The following SNED1 variants were observed in gnomAD, a reference collection of about 807,000 sequenced individuals.
The protein encoded by SNED1 is sushi, nidogen and EGF like domains 1.
A neutral mutation model predicts 166.7 loss-of-function variants in SNED1; 81 were observed. That is an observed-to-expected ratio of 0.49 (90% confidence interval 0.41 to 0.58). The LOEUF (loss-of-function observed/expected upper bound fraction) is 0.58. Ranked by LOEUF, SNED1 falls within the 20% of genes least tolerant of loss-of-function variation. SNED1 has a pLI of 0.00. For synonymous variants in SNED1, 762 were observed against 822.0 expected, an observed-to-expected ratio of 0.93 and a Z score of 1.25; for missense variants, 1,604 against 2,000.2, an observed-to-expected ratio of 0.80 and a Z score of 3.78.
Position 241,068,089 on chromosome 2 carries a change from C to G in SNED1, c.3194+142C>G. The G allele has an allele frequency of 1.3e-6, 1 of 790,200 alleles. No individual in the cohort carries two copies. The highest frequency in any genetic ancestry group is 2.0e-6 in the Non-Finnish European group (1 of 505,794). 48.9% of individuals were successfully genotyped at this position (790,200 alleles called of 1,614,324 possible). On this transcript the variant is annotated intron_variant, in intron 22 of 31. Coordinates refer to ENST00000310397, the MANE Select transcript of SNED1 (RefSeq NM_001080437.3). This position sits in a 1 kb window ranked among gnomAD's most constrained non-coding sequence, Gnocchi z 5.3. ...CTCACCTGAGCGGAGACAAAGGTCT[C>G]AGGTGAGCCAGCCTCAGACCCTGGA...
At chr2:241,050,983 C>A (rs1303530801) in intron 12 of SNED1, among the ~76,000 whole-genome samples, 1 of 152,226 alleles carries the variant, frequency 6.6e-6, no homozygotes, top group African/African-American at 2.4e-5. Context: ...AATGTGGACA[C>A]CTCTGACCCC....
chr2:241,040,235 A>G (rs2061488579), intron 7 of SNED1, 47 bp downstream of exon 7: 2 of 1,570,662 alleles, frequency 1.3e-6, no homozygotes, highest in Middle Eastern at 3.3e-4. Context: ...GCCCGTGGCC[A>G]GGTGCTGGGC....
At position 241,091,526 on chromosome 2, in the gene SNED1, C is replaced by CCCCGTGTGCACTGCCA. The variant is rs1279561073; in HGVS notation, c.*2-112_*2-111insCCCGTGTGCACTGCCA. 6.7e-4 allele frequency: 102 copies of CCCCGTGTGCACTGCCA among 151,910 alleles called. No homozygotes were observed. The highest frequency in any genetic ancestry group is 1.6e-3 in the African/African-American group (68 of 41,362). 9.4% of individuals were successfully genotyped at this position (151,910 alleles called of 1,614,324 possible). On this transcript the variant is annotated intron_variant, in intron 31 of 31. Transcript: ENST00000310397. This position sits in a 1 kb window ranked among gnomAD's most constrained non-coding sequence, Gnocchi z 4.1. ...TGGTGCTCTAAGAACGTGGGGTCCT[C>CCCCGTGTGCACTGCCA]TGGGTGACAGAGGCCCTGAGGGCCA...
Position 241,018,626 on chromosome 2 carries a change from G to T in SNED1, c.214-11658G>T, listed in dbSNP as rs2060673852. ...CCAACTCACACCCAGACCTGTCACA[G>T]GGCGGTGCAGGCACAAGGCCAGCAG... On this transcript the variant is annotated intron_variant, in intron 1 of 31. Transcript: ENST00000310397. This position sits in a 1 kb window ranked among gnomAD's most constrained non-coding sequence, Gnocchi z 5.4. Among the ~76,000 whole-genome samples, 1 of 152,278 alleles carries T rather than the reference G, an allele frequency of 6.6e-6. No homozygotes were observed. Among genetic ancestry groups the T allele is most frequent in the East Asian group, 1.9e-4 (1 of 5,174 alleles).
chr2:241,062,839 A>G lies in SNED1; in HGVS notation c.2306A>G (p.Gln769Arg). 6.2e-7 allele frequency: 1 copy of G among 1,612,058 alleles called. No individual in the cohort carries two copies. The highest frequency in any genetic ancestry group is 8.5e-7 in the Non-Finnish European group (1 of 1,179,258). The change falls in exon 17 of 32, where the codon CAG (glutamine) becomes CGG (arginine). Residue 769 changes from glutamine to arginine, a missense_variant. Transcript: ENST00000310397. ...CCGTGCCTGCATGGGGGCTCTTGTC[A>G]GGACCGCGTTGCTGGGTACCTGTGC... is the stretch of plus-strand genomic sequence containing the variant. ...SQPCLHGGSC[Q>R]DRVAGYLCLC... is the part of the protein sequence containing the mutation.
chr2:241,002,284 G>C (rs1472258575), intron 1 of SNED1, among the ~76,000 whole-genome samples: 1 of 152,140 alleles, frequency 6.6e-6, no homozygotes, highest in Non-Finnish European at 1.5e-5. Flanking sequence ...ACCGAGGCCT[G>C]CGCATGAGTG....
chr2:241,029,076 A>T (rs1242273762), intron 1 of SNED1, among the ~76,000 whole-genome samples: 1 of 152,198 alleles, frequency 6.6e-6, no homozygotes, highest in East Asian at 1.9e-4. Flanking sequence ...CCAAAGGGGA[A>T]GTCCAGAGGG....
Position 240,999,758 on chromosome 2 carries a change from A to G in SNED1, c.213+708A>G, listed in dbSNP as rs912085727. ...AGGCCCGAGTGCCGGTTCTGTCTCC[A>G]TGGCTCCCAGAGTGTGACCCCAGGC... On this transcript the variant is annotated intron_variant, in intron 1 of 31. Coordinates refer to ENST00000310397, the MANE Select transcript of SNED1 (RefSeq NM_001080437.3). The surrounding 1 kb of genome is among the most constrained non-coding windows in gnomAD (Gnocchi z 5.8). 4.6e-5 allele frequency among the ~76,000 whole-genome samples: 7 copies of G among 152,096 alleles called. No homozygotes were observed. The highest frequency in any genetic ancestry group is 8.8e-5 in the Non-Finnish European group (6 of 67,984).
rs1398669804 is a variant in SNED1, at chr2:241,049,951, G to A, written c.1735+18G>A. ...CGAGAAAGGTATGGCGGGCAGGGGCGTCCGGGCCGGCGTCAGCACCCTGGA... is the reference window on the plus strand; with the variant it reads ...CGAGAAAGGTATGGCGGGCAGGGGCATCCGGGCCGGCGTCAGCACCCTGGA... On this transcript the variant is annotated intron_variant, in intron 12 of 31. Transcript: ENST00000310397. The A allele has an allele frequency of 4.4e-6, 7 of 1,589,432 alleles. No homozygotes were observed. Among genetic ancestry groups the A allele is most frequent in the South Asian group, 1.1e-5 (1 of 90,624 alleles).
chr2:241,049,757 C>T lies in SNED1; in HGVS notation c.1619-60C>T, dbSNP rs2061771874. 9.4e-6 allele frequency: 13 copies of T among 1,376,482 alleles called. No individual in the cohort carries two copies. The South Asian group carries it at 1.3e-4, about 14-fold the overall frequency. The allele number at this position is 1,376,482 out of a possible 1,614,324, so 85.3% of individuals were successfully genotyped here. ...TGGCAGGCAAGGTGCCCGCCAGCCT[C>T]TTGCCGCCCGCACAGATGCGGCGTA... On this transcript the variant is annotated intron_variant, in intron 11 of 31. Transcript: ENST00000310397.
rs1028606404 is a variant in SNED1, at chr2:241,065,507, G to A, written c.2922G>A (p.Arg974=). The A allele has an allele frequency of 6.2e-7, 1 of 1,612,856 alleles. No individual in the cohort carries two copies. Among genetic ancestry groups the A allele is most frequent in the African/African-American group, 1.3e-5 (1 of 74,938 alleles). ...SHQLQALAAG[R]AYNISVFSVK... The stretch of plus-strand genomic sequence containing the variant: ...AGCTCCAGGCCCTGGCGGCCGGCAG[G>A]GCCTACAACATCTCCGTCTTCTCAG... The change falls in exon 21 of 32, where the codon AGG becomes AGA. Residue 974 remains arginine (R), a synonymous_variant. Transcript: ENST00000310397.
chr2:241,011,405 G>C (rs923184401), intron 1 of SNED1, among the ~76,000 whole-genome samples: 13 of 152,020 alleles, frequency 8.6e-5, no homozygotes, highest in African/African-American at 2.9e-4. Flanking sequence ...GACCCCAGCA[G>C]ACAAACACTG....
At chr2:241,089,509 A>T in intron 31 of SNED1, 1 of 1,403,154 alleles carries the variant, frequency 7.1e-7, no homozygotes, top group Non-Finnish European at 9.6e-7. Flanking sequence ...AGCTCCGCAC[A>T]TGGCAGGAAC....
chr2:240,999,063 C>A lies in SNED1; in HGVS notation c.213+13C>A, dbSNP rs1413917376. 4 of 1,272,968 alleles carry A rather than the reference C, an allele frequency of 3.1e-6. No individual in the cohort carries two copies. Among genetic ancestry groups the A allele is most frequent in the Non-Finnish European group, 4.0e-6 (4 of 1,004,674 alleles). 78.9% of individuals were successfully genotyped at this position (1,272,968 alleles called of 1,614,324 possible). On this transcript the variant is annotated intron_variant, in intron 1 of 31. Coordinates refer to ENST00000310397, the MANE Select transcript of SNED1 (RefSeq NM_001080437.3). The surrounding 1 kb of genome is among the most constrained non-coding windows in gnomAD (Gnocchi z 5.8). ...CTCCGGACTCTACGTGAGTAACCCC[C>A]GGGCTCGCGGGGCGCCCGGGAGGGG...
chr2:241,047,287 G>A (rs181770953), intron 8 of SNED1, among the ~76,000 whole-genome samples: 1 of 152,238 alleles, frequency 6.6e-6, no homozygotes, highest in Admixed American at 6.5e-5. Flanking sequence ...TAACGATAGA[G>A]GGGTCAATTC....
intron 2 of SNED1, among the ~76,000 whole-genome samples, chr2:241,031,170 C>CT (rs111980166): frequency 9.7e-4 from 143 of 147,286 alleles, no homozygotes; most frequent in African/African-American, 2.4e-3. Flanking sequence ...TTAATAAACA[C>CT]TTTTTTTTTT....
At chr2:241,001,912 G>A (rs1433757764) in intron 1 of SNED1, among the ~76,000 whole-genome samples, 1 of 152,150 alleles carries the variant, frequency 6.6e-6, no homozygotes, top group Non-Finnish European at 1.5e-5. Context: ...GGAGGAATGT[G>A]GACAGTCAGA....
chr2:241,056,453 C>T lies in SNED1; in HGVS notation c.2257+3127C>T, dbSNP rs187431410. 2.8e-3 allele frequency among the ~76,000 whole-genome samples: 417 copies of T among 147,428 alleles called. 1 individual carries two copies. The highest frequency in any genetic ancestry group is 6.6e-3 in the South Asian group (31 of 4,694). ...TTGGATAGGCTTAACAAAATGGATA[C>T]AACAAAATGGATACAACAGAAGAAA... On this transcript the variant is annotated intron_variant, in intron 16 of 31. Transcript: ENST00000310397.
chr2:241,088,241 C>G, intron 30 of SNED1, 124 bp from the exon 31 acceptor site: 1 of 737,856 alleles, frequency 1.4e-6, no homozygotes, highest in Non-Finnish European at 2.5e-6. Flanking sequence ...TAATGGTGTC[C>G]CCCACCGTGG....
Sources: gnomAD v4.1 joint callset for allele counts (sites outside exome capture counted in the v4.1 genomes callset) on GRCh38, gnomAD v4.1.1 for gene constraint, Gnocchi (gnomAD v3.1) non-coding constraint, MANE v1.5 for transcripts, NCBI Gene and HGNC (gene_info 2026-07-23, HGNC 2026-07-21) for gene names.